The following SLC22A25 variants were observed in gnomAD, a reference collection of about 807,000 sequenced individuals.
SLC22A25 encodes MGI:2442751, MGI:2385316, MGI:3042283, MGI:3645714, MGI:3605624, MGI:2442750.
A neutral mutation model predicts 45.9 loss-of-function variants in SLC22A25; 44 were observed. That is an observed-to-expected ratio of 0.96 (90% CI 0.75 to 1.23). The LOEUF (loss-of-function observed/expected upper bound fraction) is 1.23. Ranked by LOEUF, SLC22A25 falls within the 50% of genes most tolerant of loss-of-function variation. The pLI is 0.00. For synonymous variants in SLC22A25, 283 were observed against 238.6 expected, an observed-to-expected ratio of 1.19 and a Z score of -1.72; for missense variants, 800 against 666.4, an observed-to-expected ratio of 1.20 and a Z score of -2.21.
chr11:63,217,576 C>T lies in SLC22A25; in HGVS notation c.661+5G>A, dbSNP rs1330111286. 3.7e-6 allele frequency: 6 copies of T among 1,611,406 alleles called. No homozygotes were observed. The African/African-American group carries it at 4.0e-5, about 11-fold the overall frequency. On this transcript the variant is annotated splice_donor_5th_base_variant and intron_variant, in intron 6 of 11. Transcript: ENST00000306494. ...GGAAAATGTGGATCGAAAATATTGA[C>T]TTACTTAACAAAACAGTATTTACAA...
At chr11:63,164,697 G>A (rs2087619950) in intron 10 of SLC22A25, 63 bp from the exon 11 acceptor site, 2 of 1,344,822 alleles carry the variant, frequency 1.5e-6, no homozygotes, top group Non-Finnish European at 2.1e-6. Flanking sequence ...CATCTCCCAA[G>A]GTAGAAGTGA....
At chr11:63,242,502 C>A (rs777048018) in intron 1 of SLC22A25, among the ~76,000 whole-genome samples, 1 of 152,148 alleles carries the variant, frequency 6.6e-6, no homozygotes, top group Admixed American at 6.5e-5. Context: ...CCTTGGCATG[C>A]CTTTTTAGGT....
At chr11:63,183,030 T>G (rs2088385141) in intron 8 of SLC22A25, among the ~76,000 whole-genome samples, 1 of 152,050 alleles carries the variant, frequency 6.6e-6, no homozygotes, top group African/African-American at 2.4e-5. Context: ...CCTAGTACCA[T>G]TTGTGGCATA....
At chr11:63,218,116 A>G (rs1590889590) in intron 5 of SLC22A25, 2 of 465,922 alleles carry the variant, frequency 4.3e-6, no homozygotes, top group Non-Finnish European at 4.3e-6. Context: ...TAGCAAAGGC[A>G]TGGAATAACC....
intron 7 of SLC22A25, among the ~76,000 whole-genome samples, chr11:63,205,471 T>A (rs1390644028): frequency 6.6e-6 from 1 of 152,134 alleles, no homozygotes; most frequent in Non-Finnish European, 1.5e-5. Flanking sequence ...ATAAAGGGGA[T>A]ATCACTGCTG....
intron 8 of SLC22A25, among the ~76,000 whole-genome samples, chr11:63,183,275 T>A (rs2088396010): frequency 6.6e-6 from 1 of 152,132 alleles, no homozygotes; most frequent in Non-Finnish European, 1.5e-5. Context: ...AAAGAATATA[T>A]GACAGAGTGA....
chr11:63,217,237 T>A lies in SLC22A25; in HGVS notation c.830+77A>T, dbSNP rs1024817487. Reference sequence around the variant, plus strand: ...ACTCAAGGCTAGATAGAGGATCAAATGGAATTCATGTCCTCATTCCATGTA... The same window carrying A: ...ACTCAAGGCTAGATAGAGGATCAAAAGGAATTCATGTCCTCATTCCATGTA... On this transcript the variant is annotated intron_variant, in intron 7 of 11. Transcript: ENST00000306494. 1.6e-5 allele frequency: 24 copies of A among 1,509,438 alleles called. No individual in the cohort carries two copies. In the African/African-American group the frequency reaches 2.9e-4, roughly 18 times the overall value. The allele number at this position is 1,509,438 out of a possible 1,614,324, so 93.5% of individuals were successfully genotyped here. A position where few individuals can be genotyped will look rare whatever the true frequency, so the allele number is the denominator to read the frequency against.
chr11:63,189,058 A>C (rs1240331977), intron 7 of SLC22A25, among the ~76,000 whole-genome samples: 3 of 152,216 alleles, frequency 2.0e-5, no homozygotes, highest in Non-Finnish European at 4.4e-5. Flanking sequence ...GATGTCTATT[A>C]GGTCCACTTG....
At chr11:63,180,534 C>T (rs980501552) in intron 9 of SLC22A25, 126 bp downstream of exon 9, 29 of 651,030 alleles carry the variant, frequency 4.5e-5, no homozygotes, top group Non-Finnish European at 6.9e-5. Flanking sequence ...AATAGCAATT[C>T]TCTTTATGGA....
intron 5 of SLC22A25, among the ~76,000 whole-genome samples, chr11:63,227,294 A>G (rs139554270): frequency 2.6e-5 from 4 of 152,160 alleles, no homozygotes; most frequent in African/African-American, 7.2e-5. Flanking sequence ...CCCAAGGTCA[A>G]TGACATGTAT....
Position 63,182,487 on chromosome 11 carries a change from TA to T in SLC22A25, c.954+1206del, listed in dbSNP as rs202079703. Among the ~76,000 whole-genome samples the T allele has an allele frequency of 1.2e-3, 188 of 151,602 alleles. 3 individuals are homozygous for T. The East Asian group carries it at 0.032, about 26-fold the overall frequency. On this transcript the variant is annotated intron_variant, in intron 8 of 11. Coordinates refer to ENST00000306494, the MANE Select transcript of SLC22A25 (RefSeq NM_199352.6). ...AAAAGAATTACACTATATATATATA[TA>T]TATTCTCTCTATATATTCTTTATAT...
rs1159377999 is a variant in SLC22A25 at position 63,210,697 on chromosome 11, AT to A, written c.830+6616del. 3.9e-5 allele frequency among the ~76,000 whole-genome samples: 6 copies of A among 151,980 alleles called. No homozygotes were observed. In the South Asian group the frequency reaches 1.2e-3, roughly 32 times the overall value. ...ATGGAAGTAGGGGGCCGATTAATGG[AT>A]TTTTTGGTTGATACTGGTGCTGATT... On this transcript the variant is annotated intron_variant, in intron 7 of 11. Transcript: ENST00000306494.
intron 7 of SLC22A25, among the ~76,000 whole-genome samples, chr11:63,216,712 A>G (rs2134814296): frequency 6.6e-6 from 1 of 152,252 alleles, no homozygotes; most frequent in Middle Eastern, 3.4e-3. Context: ...ACAAACGGGT[A>G]TTAGGCTTAA....
At chr11:63,242,140 C>T (rs111992285) in intron 1 of SLC22A25, among the ~76,000 whole-genome samples, 1 of 152,102 alleles carries the variant, frequency 6.6e-6, no homozygotes, top group Non-Finnish European at 1.5e-5. Context: ...CTAGTTGGGA[C>T]AGAAACTAAC....
intron 7 of SLC22A25, among the ~76,000 whole-genome samples, chr11:63,209,056 G>T (rs1214112857): frequency 6.6e-6 from 1 of 152,192 alleles, no homozygotes; most frequent in Non-Finnish European, 1.5e-5. Context: ...GACGTATTGT[G>T]AGATAGATTG....
At chr11:63,223,123 T>C (rs988813591) in intron 5 of SLC22A25, among the ~76,000 whole-genome samples, 2 of 152,002 alleles carry the variant, frequency 1.3e-5, no homozygotes, top group Non-Finnish European at 2.9e-5. Flanking sequence ...TTTTGGTATC[T>C]GTGTAATACT....
chr11:63,242,911 T>G (rs2090273534), intron 1 of SLC22A25, among the ~76,000 whole-genome samples: 1 of 152,148 alleles, frequency 6.6e-6, no homozygotes, highest in African/African-American at 2.4e-5. Context: ...TCCTCACCTC[T>G]CTTCTCCTCC....
intron 7 of SLC22A25, among the ~76,000 whole-genome samples, chr11:63,195,632 A>C (rs572374668): frequency 1.9e-4 from 29 of 152,296 alleles, no homozygotes; most frequent in Middle Eastern, 3.4e-3. Flanking sequence ...TATAGCACTA[A>C]ATGCCCACAA....
rs183700189 is a variant in SLC22A25 at position 63,187,359 on chromosome 11, T to C, written c.831-3542A>G. 1.5e-3 allele frequency among the ~76,000 whole-genome samples: 228 copies of C among 152,322 alleles called. 3 individuals are homozygous for C. Among genetic ancestry groups the C allele is most frequent in the Non-Finnish European group, 2.4e-4 (16 of 68,026 alleles). On this transcript the variant is annotated intron_variant, in intron 7 of 11. Coordinates refer to ENST00000306494, the MANE Select transcript of SLC22A25 (RefSeq NM_199352.6). ...TGGCTCTCTGTTTGTCTGTTATTGG[T>C]GTATAAGAATGCTTGTGATTTTTGT...
Sources: allele counts gnomAD v4.1 joint callset (sites outside exome capture counted in the v4.1 genomes callset), GRCh38; gene constraint gnomAD v4.1.1; transcripts MANE v1.5; gene names NCBI Gene and HGNC (gene_info 2026-07-23, HGNC 2026-07-21).